The following PPP2R2C variants were observed in gnomAD, a reference collection of about 807,000 sequenced individuals.
PPP2R2C encodes the protein protein phosphatase 2 regulatory subunit Bgamma.
PPP2R2C carries 10 observed loss-of-function variants against 45.3 expected under a neutral mutation model. That is an observed-to-expected ratio of 0.22 (90% CI 0.14 to 0.37). PPP2R2C has a LOEUF of 0.37. Among genes scored for constraint, PPP2R2C ranks in the 10% least tolerant of loss-of-function variants. The pLI, the probability that PPP2R2C is intolerant of heterozygous loss-of-function variation, is 1.00. For synonymous variants in PPP2R2C, 257 were observed against 245.4 expected (o/e 1.05, Z -0.44); for missense variants, 308 against 619.7 (o/e 0.50, Z 5.34).
rs1302185758 is a variant in PPP2R2C, at chr4:6,372,703, G to A, written c.448-3C>T. On this transcript the variant is annotated splice_region_variant and splice_polypyrimidine_tract_variant and intron_variant, in intron 4 of 8. Coordinates refer to ENST00000382599, the MANE Select transcript of PPP2R2C (RefSeq NM_020416.4). ...TCCATGGGCTTCAGCACTGGCACCTGCAGAGGATGAGGAGGCAGGGAAGAG... is the reference window on the plus strand; with the variant it reads ...TCCATGGGCTTCAGCACTGGCACCTACAGAGGATGAGGAGGCAGGGAAGAG... 2 of 1,613,546 alleles carry A rather than the reference G, an allele frequency of 1.2e-6. No individual in the cohort carries two copies. Among genetic ancestry groups the A allele is most frequent in the African/African-American group, 2.7e-5 (2 of 74,942 alleles).
At chr4:6,455,967 T>A (rs1721002119) in intron 1 of PPP2R2C, among the ~76,000 whole-genome samples, 1 of 150,626 alleles carries the variant, frequency 6.6e-6, no homozygotes, top group African/African-American at 2.5e-5. Context: ...ATCTGTTATG[T>A]CTCCCTCATT....
chr4:6,401,452 T>TGG (rs1292388719), intron 1 of PPP2R2C, among the ~76,000 whole-genome samples: 3 of 150,622 alleles, frequency 2.0e-5, no homozygotes, highest in African/African-American at 7.3e-5. Flanking sequence ...ACATCCGAGA[T>TGG]GCTAAAGTCA....
At chr4:6,507,514 T>G (rs2108798770) in intron 2 of PPP2R2C, among the ~76,000 whole-genome samples, 1 of 152,360 alleles carries the variant, frequency 6.6e-6, no homozygotes, top group South Asian at 2.1e-4. Flanking sequence ...ACTCTCTATG[T>G]GTGGAGTGAG....
chr4:6,348,576 G>A, intron 5 of PPP2R2C: 1 of 909,902 alleles, frequency 1.1e-6, no homozygotes, highest in Non-Finnish European at 1.3e-6. Context: ...TTGGGCAAAG[G>A]TTCTTCTGGG....
At chr4:6,457,611 C>G (rs1180418202) in intron 1 of PPP2R2C, among the ~76,000 whole-genome samples, 3 of 151,856 alleles carry the variant, frequency 2.0e-5, no homozygotes, top group Admixed American at 6.6e-5. Context: ...TGGGCTCAAG[C>G]GATCCTCCCA....
In PPP2R2C at chr4:6,402,211, T is replaced by TA. The variant is rs530230007; in HGVS notation, c.71-21118dup. 3.4e-4 allele frequency among the ~76,000 whole-genome samples: 52 copies of TA among 152,298 alleles called. No homozygotes were observed. In the Middle Eastern group the frequency reaches 0.01, roughly 30 times the overall value. ...GCCCTGCTCAGGGTCACAGAGCAGG[T>TA]AAGTGGTGCCCACAGGTACACAGGA... On this transcript the variant is annotated intron_variant, in intron 1 of 8. Transcript: ENST00000382599.
intron 1 of PPP2R2C, among the ~76,000 whole-genome samples, chr4:6,410,307 G>A (rs1358099434): frequency 1.3e-5 from 2 of 152,174 alleles, no homozygotes; most frequent in African/African-American, 2.4e-5. Context: ...CTCAGCGTGT[G>A]ATTTAATTAG....
At chr4:6,384,548 T>G in intron 1 of PPP2R2C, 4 of 979,576 alleles carry the variant, frequency 4.1e-6, no homozygotes, top group Non-Finnish European at 4.9e-6. Context: ...TTAATGTATA[T>G]AATTTGATGA....
rs1430199834 is a variant in PPP2R2C, at chr4:6,330,083, G to A, written c.961-730C>T. ...CACACAGCCTCTAAGAGGCTGACCA[G>A]GACCCTTCCCCAGGATTCCCGTACC... On this transcript the variant is annotated intron_variant, in intron 7 of 8. Transcript: ENST00000382599. The surrounding 1 kb of genome is among the most constrained non-coding windows in gnomAD (Gnocchi z 7.0). 6.6e-6 allele frequency among the ~76,000 whole-genome samples: 1 copy of A among 152,116 alleles called. No individual in the cohort carries two copies. Among genetic ancestry groups the A allele is most frequent in the African/African-American group, 2.4e-5 (1 of 41,408 alleles).
chr4:6,330,913 G>A lies in PPP2R2C; in HGVS notation c.961-1560C>T, dbSNP rs1377937016. Reference sequence around the variant, plus strand: ...CTGGTGACCCTTGCCTTCCCCTTGGGCCCCTGGGCTGCAGCCCCACCAAGC... The same window carrying A: ...CTGGTGACCCTTGCCTTCCCCTTGGACCCCTGGGCTGCAGCCCCACCAAGC... On this transcript the variant is annotated intron_variant, in intron 7 of 8. Coordinates refer to ENST00000382599, the MANE Select transcript of PPP2R2C (RefSeq NM_020416.4). This position sits in a 1 kb window ranked among gnomAD's most constrained non-coding sequence, Gnocchi z 7.0. Among the ~76,000 whole-genome samples the A allele has an allele frequency of 6.6e-6, 1 of 151,740 alleles. No individual in the cohort carries two copies. The highest frequency in any genetic ancestry group is 2.4e-5 in the African/African-American group (1 of 41,288).
chr4:6,329,391 C>T lies in PPP2R2C; in HGVS notation c.961-38G>A, dbSNP rs1272499248. The stretch of plus-strand genomic sequence containing the variant: ...GGGATGAGGTGAGTGGACGGGGCGT[C>T]CCGACCATCCTGGCCCTTCCACAAG... On this transcript the variant is annotated intron_variant, in intron 7 of 8. Transcript: ENST00000382599. The surrounding 1 kb of genome is among the most constrained non-coding windows in gnomAD (Gnocchi z 5.8). The T allele has an allele frequency of 2.6e-6, 4 of 1,561,602 alleles. No individual in the cohort carries two copies. The South Asian group carries it at 3.3e-5, about 13-fold the overall frequency.
intron 1 of PPP2R2C, among the ~76,000 whole-genome samples, chr4:6,439,043 T>C (rs1412292343): frequency 1.3e-5 from 2 of 152,026 alleles, no homozygotes; most frequent in Non-Finnish European, 2.9e-5. Flanking sequence ...AGAAACCCAG[T>C]AAGTGTTACC....
intron 1 of PPP2R2C, among the ~76,000 whole-genome samples, chr4:6,416,529 G>T (rs1424382554): frequency 1.3e-5 from 2 of 152,148 alleles, no homozygotes; most frequent in African/African-American, 4.8e-5. Flanking sequence ...ACCTCCAGTG[G>T]GAGCTTTCCC....
At chr4:6,485,964 T>C (rs1257110572) in intron 2 of PPP2R2C, among the ~76,000 whole-genome samples, 1 of 151,972 alleles carries the variant, frequency 6.6e-6, no homozygotes, top group Non-Finnish European at 1.5e-5. Flanking sequence ...TCCTAGTTTC[T>C]TAAGGTGGAA....
chr4:6,486,844 A>T (rs1224739780), intron 2 of PPP2R2C, among the ~76,000 whole-genome samples: 1 of 151,996 alleles, frequency 6.6e-6, no homozygotes, highest in Non-Finnish European at 1.5e-5. Context: ...GCTCAAAGTG[A>T]TTATTGGTAT....
At chr4:6,486,910 T>C (rs1722546673) in intron 2 of PPP2R2C, among the ~76,000 whole-genome samples, 1 of 152,068 alleles carries the variant, frequency 6.6e-6, no homozygotes, top group African/African-American at 2.4e-5. Context: ...CCATTTTCCT[T>C]TGTTCCCTTC....
chr4:6,363,504 G>C (rs551320999), intron 5 of PPP2R2C, among the ~76,000 whole-genome samples: 1 of 152,132 alleles, frequency 6.6e-6, no homozygotes, highest in African/African-American at 2.4e-5. Context: ...GCGTGAACCT[G>C]GGAGGCAGAG....
intron 1 of PPP2R2C, among the ~76,000 whole-genome samples, chr4:6,449,658 C>A (rs1577191735): frequency 6.6e-6 from 1 of 152,204 alleles, no homozygotes; most frequent in African/African-American, 2.4e-5. Context: ...ATCTCTAAGT[C>A]CCCAAGCACC....
rs1414922761 is a variant in PPP2R2C at position 6,345,376 on chromosome 4, T to C, written c.790+2470A>G. Among the ~76,000 whole-genome samples the C allele has an allele frequency of 1.3e-5, 2 of 152,104 alleles. No individual in the cohort carries two copies. The highest frequency in any genetic ancestry group is 2.9e-5 in the Non-Finnish European group (2 of 68,026). On this transcript the variant is annotated intron_variant, in intron 6 of 8. Transcript: ENST00000382599. This position sits in a 1 kb window ranked among gnomAD's most constrained non-coding sequence, Gnocchi z 5.3. The stretch of plus-strand genomic sequence containing the variant: ...CCAGAGACGGCTGCGTCCTGATCCC[T>C]AGCACCTGTGACTATGTTATGCTAC...
Sources: gnomAD v4.1 joint callset for allele counts (sites outside exome capture counted in the v4.1 genomes callset) on GRCh38, gnomAD v4.1.1 for gene constraint, Gnocchi (gnomAD v3.1) non-coding constraint, MANE v1.5 for transcripts, NCBI Gene and HGNC (gene_info 2026-07-23, HGNC 2026-07-21) for gene names.